Variants in PLA2G2C observed in about 807,000 individuals in gnomAD.
The protein encoded by PLA2G2C is phospholipase A2 group IIC, also known as putative inactive group IIC secretory phospholipase A2.
PLA2G2C carries 15 observed loss-of-function variants against 14.3 expected under a neutral mutation model. That is an observed-to-expected ratio of 1.05 (90% CI 0.70 to 1.62). The LOEUF (loss-of-function observed/expected upper bound fraction) is 1.62. PLA2G2C is among the 40% of genes most tolerant of loss of function. PLA2G2C has a pLI of 0.00. For synonymous variants in PLA2G2C, 79 were observed against 67.7 expected, an observed-to-expected ratio of 1.17 and a Z score of -0.82; for missense variants, 162 against 173.2, an observed-to-expected ratio of 0.94 and a Z score of 0.36.
chr1:20,174,887 A>G (rs1049684110), intron 3 of PLA2G2C, 120 bp downstream of exon 3: 2 of 1,062,048 alleles, frequency 1.9e-6, no homozygotes, highest in Non-Finnish European at 2.7e-6. Flanking sequence ...TCTTCCTTCC[A>G]TTAGCCTGAG....
Position 20,164,152 on chromosome 1 carries a change from A to G in PLA2G2C, c.289T>C (p.Cys97Arg), listed in dbSNP as rs888621415. ...CAGCTGGCACCAGGACCAAGGGTGC[A>G]TCCACCTACAGAGACACAGAGGGTC... ...HIVNGAVVCGCTLGPGASCHC... is the reference protein window; with the variant it reads ...HIVNGAVVCGRTLGPGASCHC... Residue 97 changes from cysteine (C) to arginine (R), a missense_variant, in exon 5 of 5, where the codon TGC (cysteine) becomes CGC (arginine). Coordinates refer to ENST00000679259, the MANE Select transcript of PLA2G2C (RefSeq NM_001367969.2). 2 of 1,612,490 alleles carry G rather than the reference A, an allele frequency of 1.2e-6. No homozygotes were observed. The highest frequency in any genetic ancestry group is 1.7e-6 in the Non-Finnish European group (2 of 1,179,646).
intron 2 of PLA2G2C, among the ~76,000 whole-genome samples, chr1:20,176,465 A>G (rs2018185550): frequency 6.6e-6 from 1 of 152,176 alleles, no homozygotes; most frequent in African/African-American, 2.4e-5. Flanking sequence ...GAGAAACAGA[A>G]ATAGAGTTTG....
At chr1:20,182,087 C>T (rs1215774336) in intron 1 of PLA2G2C, among the ~76,000 whole-genome samples, 1 of 152,182 alleles carries the variant, frequency 6.6e-6, no homozygotes, top group Non-Finnish European at 1.5e-5. Context: ...AGGTGAGTTA[C>T]AGTGTTTGAT....
At chr1:20,182,743 C>T (rs946537939) in intron 1 of PLA2G2C, among the ~76,000 whole-genome samples, 1 of 152,238 alleles carries the variant, frequency 6.6e-6, no homozygotes, top group Admixed American at 6.5e-5. Flanking sequence ...TGATCTCAAT[C>T]CACATGTCTA....
At chr1:20,167,937 C>G (rs1215672562) in intron 4 of PLA2G2C, among the ~76,000 whole-genome samples, 1 of 152,226 alleles carries the variant, frequency 6.6e-6, no homozygotes, top group Non-Finnish European at 1.5e-5. Flanking sequence ...GCACTTGGCC[C>G]TGTTTGAATG....
At chr1:20,184,125 G>GTT (rs2018321459) in intron 1 of PLA2G2C, 1 of 152,194 alleles carries the variant, frequency 6.6e-6, no homozygotes, top group African/African-American at 2.4e-5. Flanking sequence ...GACGTTAACT[G>GTT]CATGTACTGC....
At chr1:20,178,082 G>T (rs2018215477) in intron 1 of PLA2G2C, among the ~76,000 whole-genome samples, 1 of 152,182 alleles carries the variant, frequency 6.6e-6, no homozygotes, top group South Asian at 2.1e-4. Flanking sequence ...CAGGCCCATT[G>T]TGGGACCTGC....
intron 1 of PLA2G2C, among the ~76,000 whole-genome samples, chr1:20,179,540 T>C (rs944335511): frequency 3.3e-5 from 5 of 151,548 alleles, no homozygotes; most frequent in Non-Finnish European, 7.4e-5. Context: ...TGTGTGTGTG[T>C]GTGTTAGCTT....
chr1:20,172,511 C>T (rs1483056491), intron 4 of PLA2G2C, among the ~76,000 whole-genome samples: 3 of 152,256 alleles, frequency 2.0e-5, no homozygotes, highest in East Asian at 3.9e-4. Context: ...AGGGAAGCTT[C>T]AAGATTAGCT....
chr1:20,164,982 ACT>A (rs1386471428), intron 4 of PLA2G2C, among the ~76,000 whole-genome samples: 2 of 152,084 alleles, frequency 1.3e-5, no homozygotes, highest in Non-Finnish European at 2.9e-5. Context: ...AGTTACGTTC[ACT>A]CTCTGGCTTA....
At chr1:20,170,131 G>A (rs998776557) in intron 4 of PLA2G2C, among the ~76,000 whole-genome samples, 4 of 152,214 alleles carry the variant, frequency 2.6e-5, no homozygotes. Context: ...TCACCTCAGT[G>A]GTTTATCATG....
At chr1:20,174,393 C>T (rs937053212) in intron 3 of PLA2G2C, among the ~76,000 whole-genome samples, 12 of 152,204 alleles carry the variant, frequency 7.9e-5, no homozygotes, top group South Asian at 2.1e-4. Flanking sequence ...CACTCCCCCA[C>T]CCCCATCCTT....
At chr1:20,175,940 GC>G (rs1212358932) in intron 2 of PLA2G2C, among the ~76,000 whole-genome samples, 1 of 143,918 alleles carries the variant, frequency 6.9e-6, no homozygotes, top group Non-Finnish European at 1.5e-5. Flanking sequence ...ACGGAGTTTC[GC>G]TGTTGTTACC....
At chr1:20,173,033 G>C (rs1464087901) in intron 3 of PLA2G2C, 136 bp from the exon 4 acceptor site, 2 of 619,426 alleles carry the variant, frequency 3.2e-6, no homozygotes, top group Non-Finnish European at 5.6e-6. Flanking sequence ...CATAGGCCAG[G>C]TGTGGTGGCT....
rs1012650178 is a variant in PLA2G2C at position 20,175,255 on chromosome 1, T to C, written c.41-110A>G. 12 of 1,516,380 alleles carry C rather than the reference T, an allele frequency of 7.9e-6. No homozygotes were observed. The South Asian group carries it at 1.5e-4, about 19-fold the overall frequency. 93.9% of individuals were successfully genotyped at this position (1,516,380 alleles called of 1,614,324 possible). On this transcript the variant is annotated intron_variant, in intron 2 of 4. Transcript: ENST00000679259. ...GCTGAGCATTCGAAATATCACCAGA[T>C]CCCCAAAGCGAAGTGCAAGGGGCAT... is the stretch of plus-strand genomic sequence containing the variant.
chr1:20,164,192 GC>G (rs1473990387), intron 4 of PLA2G2C, 35 bp from the exon 5 acceptor site: 1 of 1,591,626 alleles, frequency 6.3e-7, no homozygotes, highest in South Asian at 1.1e-5. Flanking sequence ...GGGGCTCCCA[GC>G]CCAGCCCCAG....
chr1:20,181,631 A>G (rs1361608329), intron 1 of PLA2G2C, among the ~76,000 whole-genome samples: 1 of 152,012 alleles, frequency 6.6e-6, no homozygotes, highest in African/African-American at 2.4e-5. Flanking sequence ...CTTGTTTTAG[A>G]TGCAGTTCTA....
chr1:20,178,643 G>T (rs2018228211), intron 1 of PLA2G2C, among the ~76,000 whole-genome samples: 1 of 152,164 alleles, frequency 6.6e-6, no homozygotes, highest in Non-Finnish European at 1.5e-5. Context: ...AAAAAATCAT[G>T]TGCAAGTTTA....
chr1:20,164,040 T>C lies in PLA2G2C; in HGVS notation c.401A>G (p.Lys134Arg), dbSNP rs2017916932. ...ACACCTGGGCTGGCTGGAGAACTGC[T>C]TGAAGTTTTTCTCATAGGTGGGCAG... ...ESLPTYEKNF[K>R]QFSSQPRCGR... is the part of the protein sequence containing the mutation. Residue 134 changes from lysine (K) to arginine (R), a missense_variant, in exon 5 of 5, where the codon AAG (lysine) becomes AGG (arginine). Lys to Arg is a conservative substitution (Grantham distance 26, BLOSUM62 2). Coordinates refer to ENST00000679259, the MANE Select transcript of PLA2G2C (RefSeq NM_001367969.2). 2 of 1,613,732 alleles carry C rather than the reference T, an allele frequency of 1.2e-6. No individual in the cohort carries two copies. Among genetic ancestry groups the C allele is most frequent in the South Asian group, 1.1e-5 (1 of 90,988 alleles).
Sources: gnomAD v4.1 joint callset for allele counts (sites outside exome capture counted in the v4.1 genomes callset) on GRCh38, gnomAD v4.1.1 for gene constraint, MANE v1.5 for transcripts, NCBI Gene and HGNC (gene_info 2026-07-23, HGNC 2026-07-21) for gene names.